RTL4: variants seen among roughly 807,000 people sequenced by gnomAD.
RTL4 encodes the protein retrotransposon Gag-like protein 4.
In RTL4, 4 loss-of-function variants were observed where a neutral mutation model predicts 5.3. The observed-to-expected ratio is 0.75, with a 90% CI of 0.37 to 1.72. RTL4 has a LOEUF of 1.72. Ranked by LOEUF, RTL4 falls within the 40% of genes most tolerant of loss-of-function variation. The pLI is 0.04. For missense variants in RTL4, 260 were observed against 227.1 expected, an observed-to-expected ratio of 1.14 and a Z score of -0.93; for synonymous variants, 98 against 87.3, an observed-to-expected ratio of 1.12 and a Z score of -0.68.
the RTL4 span, among the ~76,000 whole-genome samples, chrX:112,185,662 CTCTT>C: frequency 9.3e-6 from 1 of 107,239 alleles, no homozygotes; most frequent in African/African-American, 3.4e-5. Context: ...CACACACACA[CTCTT>C]TCTCTCTTAT....
chrX:112,161,117 C>T, the RTL4 span, among the ~76,000 whole-genome samples: 1 of 111,760 alleles, frequency 8.9e-6, no homozygotes, highest in Admixed American at 9.5e-5. Flanking sequence ...TTTAATCATG[C>T]TGCATTGTAT....
chrX:112,148,442 A>G, the RTL4 span, among the ~76,000 whole-genome samples: 1 of 111,331 alleles, frequency 9.0e-6, no homozygotes, highest in African/African-American at 3.3e-5. Flanking sequence ...GATATGCTTC[A>G]GGGGATGGAG....
At chrX:112,382,289 G>T in the RTL4 span, 11 of 735,395 alleles carry the variant, frequency 1.5e-5, no homozygotes, top group Non-Finnish European at 1.4e-5. Flanking sequence ...CATTAACCTG[G>T]TTAGAAAGGC....
At chrX:112,153,800 T>C in the RTL4 span, among the ~76,000 whole-genome samples, 1 of 111,635 alleles carries the variant, frequency 9.0e-6, no homozygotes, top group Non-Finnish European at 1.9e-5. Flanking sequence ...TTGTGGTATG[T>C]ATAGGTGTGG....
the RTL4 span, among the ~76,000 whole-genome samples, chrX:112,352,502 A>G: frequency 4.5e-5 from 5 of 111,155 alleles, no homozygotes; most frequent in African/African-American, 1.6e-4. Flanking sequence ...AATGGAACAT[A>G]ACAGAGCCCT....
the RTL4 span, among the ~76,000 whole-genome samples, chrX:112,331,388 C>A: frequency 9.4e-6 from 1 of 106,255 alleles, no homozygotes; most frequent in Non-Finnish European, 1.9e-5. Flanking sequence ...ATTTATGCAG[C>A]CAAAAAACAC....
the RTL4 span, among the ~76,000 whole-genome samples, chrX:112,234,022 C>G: frequency 1.8e-5 from 2 of 109,715 alleles, no homozygotes; most frequent in Non-Finnish European, 3.8e-5. Context: ...GAAACCCCGT[C>G]TCTACTGAAA....
chrX:112,258,331 C>T, the RTL4 span, among the ~76,000 whole-genome samples: 1 of 110,360 alleles, frequency 9.1e-6, no homozygotes, highest in Non-Finnish European at 1.9e-5. Flanking sequence ...TCAGTTGTAA[C>T]AAATGTACCA....
At chrX:112,112,715 T>C in the RTL4 span, among the ~76,000 whole-genome samples, 1 of 111,647 alleles carries the variant, frequency 9.0e-6, no homozygotes, top group African/African-American at 3.3e-5. Flanking sequence ...TGCCTGGACT[T>C]GAGAAGTGGC....
chrX:112,185,376 A>AATATATATATATATATAT, the RTL4 span, among the ~76,000 whole-genome samples: 2 of 85,351 alleles, frequency 2.3e-5, no homozygotes, highest in Admixed American at 1.4e-4. Flanking sequence ...CTATTTTATT[A>AATATATATATATATATAT]ATATATATAT....
At chrX:112,410,128 G>A in the RTL4 span, among the ~76,000 whole-genome samples, 5 of 111,926 alleles carry the variant, frequency 4.5e-5, no homozygotes, top group African/African-American at 6.5e-5. Flanking sequence ...TATAAAAAGA[G>A]ACAAGGAAGT....
At chrX:112,441,080 G>A in the RTL4 span, among the ~76,000 whole-genome samples, 16 of 111,423 alleles carry the variant, frequency 1.4e-4, no homozygotes, top group African/African-American at 5.2e-4. Flanking sequence ...AGAAACATTT[G>A]AGCACATGCA....
chrX:112,342,872 C>T, the RTL4 span, among the ~76,000 whole-genome samples: 8 of 111,636 alleles, frequency 7.2e-5, no homozygotes, highest in South Asian at 7.6e-4. Context: ...GAGGCCAAGG[C>T]GGGCGGATCA....
At chrX:112,085,196 AG>A in the RTL4 span, among the ~76,000 whole-genome samples, 1 of 111,842 alleles carries the variant, frequency 8.9e-6, no homozygotes, top group South Asian at 3.8e-4. Flanking sequence ...TATGTCTCCC[AG>A]GGTAGTTTGC....
chrX:112,391,007 G>T, the RTL4 span, among the ~76,000 whole-genome samples: 1 of 111,707 alleles, frequency 9.0e-6, no homozygotes, highest in African/African-American at 3.3e-5. Flanking sequence ...CAGAGTTTTT[G>T]CTCATTTCTT....
At chrX:112,319,987 G>A in the RTL4 span, 1 of 113,215 alleles carries the variant, frequency 8.8e-6, no homozygotes, top group African/African-American at 3.2e-5. Context: ...TTCCAAAATG[G>A]GATAGAGGCA....
the RTL4 span, among the ~76,000 whole-genome samples, chrX:112,086,832 A>G: frequency 8.9e-6 from 1 of 112,140 alleles, no homozygotes; most frequent in Non-Finnish European, 1.9e-5. Flanking sequence ...CTGAATTGGG[A>G]CGACGAATGA....
the RTL4 span, among the ~76,000 whole-genome samples, chrX:112,341,121 A>G: frequency 2.7e-5 from 3 of 110,368 alleles, no homozygotes; most frequent in African/African-American, 9.9e-5. Flanking sequence ...GGAAATATTT[A>G]GAGGACAGAA....
the RTL4 span, among the ~76,000 whole-genome samples, chrX:112,204,148 T>C: frequency 2.7e-5 from 3 of 112,581 alleles, no homozygotes; most frequent in Non-Finnish European, 5.6e-5. Context: ...CCAGTTAAAA[T>C]GCCTTATATC....
Sources: gnomAD v4.1 joint callset for allele counts (sites outside exome capture counted in the v4.1 genomes callset) on GRCh38, gnomAD v4.1.1 for gene constraint, MANE v1.5 for transcripts, NCBI Gene and HGNC (gene_info 2026-07-23, HGNC 2026-07-21) for gene names.